The following THSD4 variants were observed in gnomAD, a reference collection of about 807,000 sequenced individuals.
The protein encoded by THSD4 is thrombospondin type-1 domain-containing protein 4.
A neutral mutation model predicts 119.0 loss-of-function variants in THSD4; 69 were observed. That is an observed-to-expected ratio of 0.58 (90% CI 0.48 to 0.71). THSD4 has a LOEUF of 0.71. Ranked by LOEUF, THSD4 falls within the 30% of genes least tolerant of loss-of-function variation. The pLI is 0.00. For synonymous variants in THSD4, 524 were observed against 540.4 expected (o/e 0.97, Z 0.42); for missense variants, 1,393 against 1,391.1 (o/e 1.00, Z -0.02).
chr15:71,491,775 G>A (rs1026047926), intron 7 of THSD4, among the ~76,000 whole-genome samples: 5 of 152,158 alleles, frequency 3.3e-5, no homozygotes, highest in African/African-American at 1.2e-4. Flanking sequence ...AGGCTGAGGT[G>A]GGAGGATTGC....
rs78588223 is a variant in THSD4, at chr15:71,613,377, T to C, written c.1153-47153T>C. The stretch of plus-strand genomic sequence containing the variant: ...GATCCATTGTTTGTTTTTTCAATTT[T>C]TAACATTTTTTTAAGTCCTGCAGAT... On this transcript the variant is annotated intron_variant, in intron 7 of 17. Coordinates refer to ENST00000261862, the MANE Select transcript of THSD4 (RefSeq NM_024817.3). Among the ~76,000 whole-genome samples, 994 of 152,300 alleles carry C rather than the reference T, an allele frequency of 6.5e-3. 9 individuals are homozygous for C. Among genetic ancestry groups the C allele is most frequent in the African/African-American group, 0.023 (958 of 41,560 alleles).
intron 6 of THSD4, among the ~76,000 whole-genome samples, chr15:71,307,761 C>T (rs982132164): frequency 2.0e-5 from 3 of 152,192 alleles, no homozygotes; most frequent in African/African-American, 7.2e-5. Flanking sequence ...CAGAGCTAGA[C>T]TCCATCTCAA....
chr15:71,126,945 T>A lies in THSD4; in HGVS notation c.-80+11247T>A, dbSNP rs574033085. ...CTTATCATTTTTTGTAGTGAGAATA[T>A]CTGAAATTTACTCTTAGGAAGTTTG... On this transcript the variant is annotated intron_variant, in intron 1 of 17. Transcript: ENST00000261862. Among the ~76,000 whole-genome samples the A allele has an allele frequency of 5.3e-5, 8 of 152,354 alleles. No homozygotes were observed. In the South Asian group the frequency reaches 1.7e-3, roughly 32 times the overall value.
chr15:71,146,856 A>G (rs1331935423), intron 2 of THSD4, among the ~76,000 whole-genome samples: 1 of 152,148 alleles, frequency 6.6e-6, no homozygotes, highest in Non-Finnish European at 1.5e-5. Flanking sequence ...ATTTTTCTTT[A>G]TGCCTGGCAC....
At position 71,162,529 on chromosome 15, in the gene THSD4, T is replaced by TA. The variant is rs746364459; in HGVS notation, c.99+7599dup. 7.2e-5 allele frequency among the ~76,000 whole-genome samples: 11 copies of TA among 152,198 alleles called. No homozygotes were observed. In the South Asian group the frequency reaches 1.2e-3, roughly 17 times the overall value. ...AGTCTAACGGAGATACTCTTGTATG[T>TA]AACTTGATGTTTTTCTCTTGAAGGT... On this transcript the variant is annotated intron_variant, in intron 3 of 17. Transcript: ENST00000261862.
chr15:71,720,032 T>TGC (rs1555445413), intron 8 of THSD4, among the ~76,000 whole-genome samples: 19 of 64,902 alleles, frequency 2.9e-4, no homozygotes, highest in East Asian at 2.8e-3. Flanking sequence ...CTTTTTTTTT[T>TGC]TTTCTTTTTT....
rs770020310 is a variant in THSD4 at position 71,270,831 on chromosome 15, CTTT to C, written c.1015+14128_1015+14130del. The stretch of plus-strand genomic sequence containing the variant: ...TTAGAGTGGTCAGGTAGCCATCTCT[CTTT>C]TTTTTTTTTTTAATGGCCATGTAGA... On this transcript the variant is annotated intron_variant, in intron 6 of 17. Coordinates refer to ENST00000261862, the MANE Select transcript of THSD4 (RefSeq NM_024817.3). Among the ~76,000 whole-genome samples the C allele has an allele frequency of 9.5e-3, 331 of 34,752 alleles. 2 individuals carry two copies. The highest frequency in any genetic ancestry group is 0.037 in the African/African-American group (297 of 8,102). The allele number at this position is 34,752 out of a possible 152,430, so 22.8% of individuals were successfully genotyped here.
intron 6 of THSD4, among the ~76,000 whole-genome samples, chr15:71,394,375 C>A (rs759717899): frequency 4.0e-5 from 6 of 148,326 alleles, no homozygotes; most frequent in Non-Finnish European, 8.9e-5. Context: ...TGGGTTCAAG[C>A]GATTCTCCTG....
intron 7 of THSD4, among the ~76,000 whole-genome samples, chr15:71,565,294 A>G (rs1328742980): frequency 1.3e-5 from 2 of 152,338 alleles, no homozygotes; most frequent in Non-Finnish European, 2.9e-5. Flanking sequence ...TTTGCAGGAA[A>G]ATGGACACTT....
chr15:71,367,487 A>G (rs1029907677), intron 6 of THSD4, among the ~76,000 whole-genome samples: 2 of 152,122 alleles, frequency 1.3e-5, no homozygotes, highest in African/African-American at 4.8e-5. Flanking sequence ...CCTGTGTCCA[A>G]GTGTTCTCAT....
At chr15:71,651,040 T>C (rs1250135841) in intron 7 of THSD4, among the ~76,000 whole-genome samples, 1 of 152,122 alleles carries the variant, frequency 6.6e-6, no homozygotes, top group Non-Finnish European at 1.5e-5. Context: ...ATAACTAAAT[T>C]CGATGAATGA....
At chr15:71,192,095 G>T (rs1164137829) in intron 3 of THSD4, among the ~76,000 whole-genome samples, 1 of 151,660 alleles carries the variant, frequency 6.6e-6, no homozygotes, top group Non-Finnish European at 1.5e-5. Flanking sequence ...GTAGAGACGG[G>T]GTTTCACCAT....
At chr15:71,706,517 G>A (rs1306279386) in intron 8 of THSD4, among the ~76,000 whole-genome samples, 1 of 152,186 alleles carries the variant, frequency 6.6e-6, no homozygotes, top group Admixed American at 6.5e-5. Flanking sequence ...ATAGAATGCA[G>A]AGAAAAACAG....
At chr15:71,363,315 G>A (rs1404797240) in intron 6 of THSD4, among the ~76,000 whole-genome samples, 7 of 152,198 alleles carry the variant, frequency 4.6e-5, no homozygotes, top group Non-Finnish European at 1.0e-4. Flanking sequence ...AAACCAGATT[G>A]GGCCCAAGGG....
At chr15:71,697,891 TGGAAAGG>T (rs2052197879) in intron 8 of THSD4, among the ~76,000 whole-genome samples, 1 of 151,798 alleles carries the variant, frequency 6.6e-6, no homozygotes, top group Non-Finnish European at 1.5e-5. Flanking sequence ...TATGTATGCA[TGGAAAGG>T]GAACATGGTA....
upstream of THSD4, chr15:71,110,978 G>C (rs1200748967): frequency 3.0e-6 from 2 of 658,892 alleles, no homozygotes; most frequent in East Asian, 5.5e-5. Context: ...CTGTGGACTG[G>C]AGGCTGCCAG....
intron 17 of THSD4, among the ~76,000 whole-genome samples, chr15:71,775,605 G>C (rs2140255605): frequency 6.6e-6 from 1 of 152,256 alleles, no homozygotes; most frequent in East Asian, 1.9e-4. Flanking sequence ...CAGCTACTCG[G>C]GAGGCTGAGG....
intron 7 of THSD4, among the ~76,000 whole-genome samples, chr15:71,568,381 C>T (rs1381728055): frequency 3.3e-5 from 5 of 151,978 alleles, no homozygotes; most frequent in Non-Finnish European, 7.4e-5. Flanking sequence ...GATGAGAGGT[C>T]CTTGAAGGCC....
In THSD4 at chr15:71,155,079, C is replaced by G. The variant is rs894907472; in HGVS notation, c.99+147C>G. The G allele has an allele frequency of 3.8e-4, 283 of 736,922 alleles. 2 individuals are homozygous for G. In the East Asian group the frequency reaches 7.0e-3, roughly 18 times the overall value. 45.6% of individuals were successfully genotyped at this position (736,922 alleles called of 1,614,324 possible). ...TTTACAGAATATGGAGTGTACTATTCTGTTCTCACATTGCTATAAAGAAAT... is the reference window on the plus strand; with the variant it reads ...TTTACAGAATATGGAGTGTACTATTGTGTTCTCACATTGCTATAAAGAAAT... On this transcript the variant is annotated intron_variant, in intron 3 of 17. Transcript: ENST00000261862.
Sources: gnomAD v4.1 joint callset for allele counts (sites outside exome capture counted in the v4.1 genomes callset) on GRCh38, gnomAD v4.1.1 for gene constraint, MANE v1.5 for transcripts, NCBI Gene and HGNC (gene_info 2026-07-23, HGNC 2026-07-21) for gene names.